The following MYO3A variants were observed in gnomAD, a reference collection of about 807,000 sequenced individuals.
The protein encoded by MYO3A is myosin IIIA, also known as myosin-IIIa.
MYO3A carries 180 observed loss-of-function variants against 192.7 expected under a neutral mutation model. That is an observed-to-expected ratio of 0.93 (90% CI 0.83 to 1.06). MYO3A has a LOEUF of 1.06. Ranked by LOEUF, MYO3A falls within the 50% of genes least tolerant of loss-of-function variation. The pLI, the probability that MYO3A is intolerant of heterozygous loss-of-function variation, is 0.00. For synonymous variants in MYO3A, 628 were observed against 645.3 expected (o/e 0.97, Z 0.41); for missense variants, 1,896 against 1,905.0 (o/e 1.00, Z 0.09).
At chr10:26,094,420 C>CTTTTTTTTTTTTTTT (rs965507109) in intron 15 of MYO3A, among the ~76,000 whole-genome samples, 1 of 101,322 alleles carries the variant, frequency 9.9e-6, no homozygotes, top group African/African-American at 3.9e-5. Context: ...TGAATAATTT[C>CTTTTTTTTTTTTTTT]TTTTTTTTTT....
intron 4 of MYO3A, among the ~76,000 whole-genome samples, chr10:25,957,685 G>T (rs1299146510): frequency 2.0e-5 from 3 of 152,074 alleles, no homozygotes; most frequent in African/African-American, 4.8e-5. Flanking sequence ...TTCCACAATG[G>T]CTAAACTAAT....
chr10:26,196,336 T>A (rs1843405569), intron 32 of MYO3A, among the ~76,000 whole-genome samples: 1 of 152,210 alleles, frequency 6.6e-6, no homozygotes, highest in African/African-American at 2.4e-5. Context: ...AAGTGAAATG[T>A]TATTACTAAC....
chr10:26,176,521 A>AG (rs1255308913), intron 30 of MYO3A, among the ~76,000 whole-genome samples, 180 bp from the exon 31 acceptor site: 3 of 152,186 alleles, frequency 2.0e-5, no homozygotes, highest in Non-Finnish European at 2.9e-5. Flanking sequence ...TCAGAGCACA[A>AG]GGGGGGAAGG....
At chr10:26,064,177 A>T (rs1447128253) in intron 10 of MYO3A, among the ~76,000 whole-genome samples, 4 of 152,220 alleles carry the variant, frequency 2.6e-5, no homozygotes, top group Non-Finnish European at 4.4e-5. Context: ...GAGAGAAGCC[A>T]CTAATTGACA....
At chr10:26,150,946 T>C (rs1840758167) in intron 23 of MYO3A, among the ~76,000 whole-genome samples, 1 of 152,204 alleles carries the variant, frequency 6.6e-6, no homozygotes, top group Non-Finnish European at 1.5e-5. Flanking sequence ...ATATGGGTTA[T>C]TTATAAGAGT....
intron 2 of MYO3A, among the ~76,000 whole-genome samples, chr10:25,943,768 TTGTGTGTGTGTGTG>T (rs58905708): frequency 7.0e-6 from 1 of 142,588 alleles, no homozygotes; most frequent in African/African-American, 2.6e-5. Flanking sequence ...GTTCTAACAT[TTGTGTGTGTGTGTG>T]TGTGTGTGTG....
In MYO3A at chr10:26,185,852, T is replaced by C. The variant is rs548221218; in HGVS notation, c.4439-7353T>C. Among the ~76,000 whole-genome samples, 5 of 152,220 alleles carry C rather than the reference T, an allele frequency of 3.3e-5. No homozygotes were observed. In the South Asian group the frequency reaches 6.2e-4, roughly 19 times the overall value. ...GATTTTCATCATTGTTTTATATAAA[T>C]AGGATCATAATATGATCATAATATA... On this transcript the variant is annotated intron_variant, in intron 31 of 34. Coordinates refer to ENST00000642920, the MANE Select transcript of MYO3A (RefSeq NM_017433.5).
At chr10:25,945,879 C>T (rs186378311) in intron 2 of MYO3A, among the ~76,000 whole-genome samples, 76 of 152,044 alleles carry the variant, frequency 5.0e-4, no homozygotes, top group African/African-American at 1.8e-3. Flanking sequence ...TGTTTTGATT[C>T]TTATTTTCTT....
Position 26,174,123 on chromosome 10 carries a change from C to T in MYO3A, c.3859C>T (p.Pro1287Ser). 6.2e-7 allele frequency: 1 copy of T among 1,614,126 alleles called. No individual in the cohort carries two copies. The highest frequency in any genetic ancestry group is 8.5e-7 in the Non-Finnish European group (1 of 1,180,020). Reference sequence around the variant, plus strand: ...GACTTCCTTTAAAAAAACTTTGGAACCTACACTTAGCCAAAGGTCAATTTA... The same window carrying T: ...GACTTCCTTTAAAAAAACTTTGGAATCTACACTTAGCCAAAGGTCAATTTA... ...NETSFKKTLE[P>S]TLSQRSIYQN... The change falls in exon 30 of 35, where the codon CCT becomes TCT. Residue 1287 changes from proline to serine, a missense_variant. Coordinates refer to ENST00000642920, the MANE Select transcript of MYO3A (RefSeq NM_017433.5).
At chr10:26,131,083 C>G (rs925245303) in intron 20 of MYO3A, among the ~76,000 whole-genome samples, 1 of 152,142 alleles carries the variant, frequency 6.6e-6, no homozygotes, top group East Asian at 1.9e-4. Flanking sequence ...GGCCAGATCT[C>G]GGCACAAGTC....
chr10:26,000,448 C>A (rs1364678555), intron 6 of MYO3A, among the ~76,000 whole-genome samples: 6 of 151,132 alleles, frequency 4.0e-5, no homozygotes, highest in Non-Finnish European at 8.9e-5. Flanking sequence ...ATGCAAATTG[C>A]AAAAAAAATG....
intron 4 of MYO3A, among the ~76,000 whole-genome samples, chr10:25,959,564 G>T (rs1156804662): frequency 6.6e-6 from 1 of 152,126 alleles, no homozygotes; most frequent in Admixed American, 6.5e-5. Flanking sequence ...CATCTGCCCA[G>T]TCTTGTTTGG....
intron 14 of MYO3A, among the ~76,000 whole-genome samples, chr10:26,077,523 C>T (rs1046307891): frequency 6.6e-6 from 1 of 151,768 alleles, no homozygotes; most frequent in Non-Finnish European, 1.5e-5. Context: ...GCTAGGACTT[C>T]CAGTGTTATG....
intron 10 of MYO3A, among the ~76,000 whole-genome samples, chr10:26,043,849 C>T (rs1236729549): frequency 1.3e-5 from 2 of 152,290 alleles, no homozygotes; most frequent in East Asian, 3.9e-4. Flanking sequence ...AGACACAGTC[C>T]CCTTTACTTT....
At chr10:26,205,136 T>C (rs1313647053) in intron 34 of MYO3A, among the ~76,000 whole-genome samples, 1 of 152,188 alleles carries the variant, frequency 6.6e-6, no homozygotes, top group African/African-American at 2.4e-5. Flanking sequence ...ATTTTTTTAA[T>C]TGACAAAACG....
At chr10:26,193,732 T>C (rs546223875) in intron 32 of MYO3A, among the ~76,000 whole-genome samples, 1 of 152,208 alleles carries the variant, frequency 6.6e-6, no homozygotes, top group African/African-American at 2.4e-5. Context: ...ATTCCAGGCC[T>C]AGAATAAGGC....
chr10:26,065,529 G>A (rs2131363466), intron 10 of MYO3A, among the ~76,000 whole-genome samples: 1 of 139,482 alleles, frequency 7.2e-6, no homozygotes, highest in Middle Eastern at 4.0e-3. Context: ...AGGTTGCAGT[G>A]AGCTGAGATC....
chr10:26,174,018 G>T lies in MYO3A; in HGVS notation c.3754G>T (p.Glu1252Ter). The change falls in exon 30 of 35, where the codon GAG becomes TAG. Residue 1252 changes from glutamate (E) to a stop codon, truncating the protein, a stop_gained. Coordinates refer to ENST00000642920, the MANE Select transcript of MYO3A (RefSeq NM_017433.5). LOFTEE classifies it high-confidence loss of function. ...GTACACAGAGGAGAGGAATTGTGAA[G>T]AGTCAAAAGCAGCATATCTAGAAAG... ...QRYTEERNCE[E>*]SKAAYLERKA... The T allele has an allele frequency of 6.2e-7, 1 of 1,611,762 alleles. No individual in the cohort carries two copies. The highest frequency in any genetic ancestry group is 8.5e-7 in the Non-Finnish European group (1 of 1,179,458).
chr10:26,021,826 T>C, intron 8 of MYO3A, 178 bp downstream of exon 8: 1 of 793,550 alleles, frequency 1.3e-6, no homozygotes. Context: ...TAGTTGCATT[T>C]CCCTGGTCTA....
Sources: gnomAD v4.1 joint callset for allele counts (sites outside exome capture counted in the v4.1 genomes callset) on GRCh38, gnomAD v4.1.1 for gene constraint, MANE v1.5 for transcripts, NCBI Gene and HGNC (gene_info 2026-07-23, HGNC 2026-07-21) for gene names.